The following UBE3A variants were observed in gnomAD, a reference collection of about 807,000 sequenced individuals.
The protein encoded by UBE3A is ubiquitin protein ligase E3A.
In UBE3A, 6 loss-of-function variants were observed where a neutral mutation model predicts 83.4. The observed-to-expected ratio is 0.07, with a 90% CI of 0.04 to 0.14. The LOEUF (loss-of-function observed/expected upper bound fraction) is 0.14. Among genes scored for constraint, UBE3A ranks in the 10% least tolerant of loss-of-function variants. The pLI is 1.00. For synonymous variants in UBE3A, 337 were observed against 355.4 expected, an observed-to-expected ratio of 0.95 and a Z score of 0.58; for missense variants, 456 against 1,036.1, an observed-to-expected ratio of 0.44 and a Z score of 7.69.
chr15:25,343,245 A>T (rs1890526775), intron 11 of UBE3A, among the ~76,000 whole-genome samples: 1 of 152,242 alleles, frequency 6.6e-6, no homozygotes, highest in Non-Finnish European at 1.5e-5. Context: ...TTATGGGAAG[A>T]GTCTGGCGAA....
At chr15:25,403,969 T>C (rs2087815454) in intron 4 of UBE3A, among the ~76,000 whole-genome samples, 1 of 152,198 alleles carries the variant, frequency 6.6e-6, no homozygotes, top group Non-Finnish European at 1.5e-5. Flanking sequence ...AATTATTGTT[T>C]AATGGGTACA....
At position 25,370,755 on chromosome 15, in the gene UBE3A, A is replaced by C. The variant is rs1243878407; in HGVS notation, c.1419T>G (p.Ser473=). The C allele has an allele frequency of 4.3e-6, 7 of 1,614,036 alleles. No individual in the cohort carries two copies. In the South Asian group the frequency reaches 7.7e-5, roughly 18 times the overall value. ...FFKVETENKF[S]FMTCPFILNA... ...TCAATATAAAGGGACATGTCATAAAAGAGAATTTGTTCTCTGTTTCTACTT... is the reference window on the plus strand; with the variant it reads ...TCAATATAAAGGGACATGTCATAAACGAGAATTTGTTCTCTGTTTCTACTT... The change falls in exon 6 of 13, where the codon TCT becomes TCG. Residue 473 remains serine (S), a synonymous_variant. Transcript: ENST00000648336. The surrounding 1 kb of genome is among the most constrained non-coding windows in gnomAD (Gnocchi z 4.2).
Position 25,334,909 on chromosome 15 carries a change from G to A in UBE3A, c.*4228C>T, listed in dbSNP as rs1433771949. On this transcript the variant is annotated 3_prime_UTR_variant, in exon 13 of 13. Transcript: ENST00000648336. ...CTTCACTACATTCTACTGCATGCTCGGTCATTTTCAATCATTTAGGTGGCA... is the reference window on the plus strand; with the variant it reads ...CTTCACTACATTCTACTGCATGCTCAGTCATTTTCAATCATTTAGGTGGCA... 6.6e-6 allele frequency: 1 copy of A among 151,964 alleles called. No homozygotes were observed. The highest frequency in any genetic ancestry group is 1.5e-5 in the Non-Finnish European group (1 of 68,006). 9.4% of individuals were successfully genotyped at this position (151,964 alleles called of 1,614,324 possible). A position where few individuals can be genotyped will look rare whatever the true frequency, so the allele number is the denominator to read the frequency against.
At chr15:25,399,548 G>C (rs75166723) in intron 4 of UBE3A, among the ~76,000 whole-genome samples, 246 of 152,014 alleles carry the variant, frequency 1.6e-3, no homozygotes, top group African/African-American at 5.7e-3. Context: ...TCTGTTTTGT[G>C]GGTCGATGTG....
chr15:25,412,170 T>C (rs2090125233), intron 1 of UBE3A, among the ~76,000 whole-genome samples, 199 bp from the exon 2 acceptor site: 1 of 152,226 alleles, frequency 6.6e-6, no homozygotes, highest in African/African-American at 2.4e-5. Context: ...GCCTGAGTGC[T>C]TTCAGCAGGC....
chr15:25,354,500 G>A (rs770757909), intron 10 of UBE3A, 28 bp downstream of exon 10: 1 of 1,613,816 alleles, frequency 6.2e-7, no homozygotes, highest in South Asian at 1.1e-5. Flanking sequence ...ATCGATACAT[G>A]ACTTTTTGCA....
chr15:25,346,920 C>G (rs1285695502), intron 11 of UBE3A: 1 of 152,086 alleles, frequency 6.6e-6, no homozygotes, highest in African/African-American at 2.4e-5. Flanking sequence ...GAAAGAACAC[C>G]TGAAGAAATA....
intron 4 of UBE3A, among the ~76,000 whole-genome samples, chr15:25,376,623 C>G (rs965155592): frequency 6.6e-6 from 1 of 152,128 alleles, no homozygotes; most frequent in Non-Finnish European, 1.5e-5. Context: ...GCCTGGGCAA[C>G]AGAGCTAGAC....
At chr15:25,416,563 T>C (rs1369890344) in intron 1 of UBE3A, among the ~76,000 whole-genome samples, 1 of 151,418 alleles carries the variant, frequency 6.6e-6, no homozygotes, top group Admixed American at 6.6e-5. Flanking sequence ...TTTTTTGATC[T>C]GAATGCTAGC....
chr15:25,368,921 T>C lies in UBE3A; in HGVS notation c.1608+1645A>G, dbSNP rs768969232. On this transcript the variant is annotated intron_variant, in intron 6 of 12. Transcript: ENST00000648336. ...ATTTTTTGAACCCTGGAATGATTCTTACAGTGTAATTTCATTGCCTTTTAA... is the reference window on the plus strand; with the variant it reads ...ATTTTTTGAACCCTGGAATGATTCTCACAGTGTAATTTCATTGCCTTTTAA... Among the ~76,000 whole-genome samples the C allele has an allele frequency of 2.6e-5, 4 of 152,132 alleles. No homozygotes were observed. In the South Asian group the frequency reaches 8.3e-4, roughly 31 times the overall value.
chr15:25,378,637 T>C (rs557080203), intron 4 of UBE3A, among the ~76,000 whole-genome samples: 1 of 152,222 alleles, frequency 6.6e-6, no homozygotes, highest in East Asian at 1.9e-4. Flanking sequence ...AAGACAAGAA[T>C]AGGAGTCCAG....
At chr15:25,367,175 ATTTGTAAATATGTAAATATTTACATAT>A (rs1480971519) in intron 6 of UBE3A, among the ~76,000 whole-genome samples, 6 of 100,810 alleles carry the variant, frequency 6.0e-5, no homozygotes, top group Admixed American at 5.1e-4. Flanking sequence ...ATATTTACAT[ATTTGTAAATATGTAAATATTTACATAT>A]TTGTAAATAT....
At chr15:25,434,997 C>G (rs189782611) in intron 1 of UBE3A, among the ~76,000 whole-genome samples, 12,734 of 150,076 alleles carry the variant, frequency 0.085, 673 homozygotes, top group African/African-American at 0.12. Flanking sequence ...CACACACACA[C>G]ACACACACAC....
intron 1 of UBE3A, among the ~76,000 whole-genome samples, chr15:25,433,807 A>T (rs1894197032): frequency 6.6e-6 from 1 of 152,152 alleles, no homozygotes; most frequent in African/African-American, 2.4e-5. Flanking sequence ...TGGGCATGGT[A>T]GCTCACACCT....
At chr15:25,356,545 T>G in intron 8 of UBE3A, 146 bp downstream of exon 8, 1 of 800,042 alleles carries the variant, frequency 1.2e-6, no homozygotes, top group Non-Finnish European at 2.0e-6. Flanking sequence ...TTTCTGGTAC[T>G]TCGGTCAGAT....
Position 25,371,442 on chromosome 15 carries a change from G to A in UBE3A, c.732C>T (p.Leu244=), listed in dbSNP as rs1060504406. The A allele has an allele frequency of 2.5e-6, 4 of 1,614,046 alleles. No homozygotes were observed. Among genetic ancestry groups the A allele is most frequent in the Admixed American group, 1.7e-5 (1 of 60,022 alleles). The change falls in exon 6 of 13, where the codon CTC becomes CTT. Residue 244 remains leucine, a synonymous_variant. Coordinates refer to ENST00000648336, the MANE Select transcript of UBE3A (RefSeq NM_130839.5). This position sits in a 1 kb window ranked among gnomAD's most constrained non-coding sequence, Gnocchi z 5.3. The part of the protein sequence containing the change: ...DAIRRVYTRL[L]SNEKIETAFL... The stretch of plus-strand genomic sequence containing the variant: ...AGGCAGTTTCAATTTTTTCATTAGA[G>A]AGCAATCTGGTGTAGACCCTTCTAA...
At chr15:25,433,236 G>A (rs12899575) in intron 1 of UBE3A, among the ~76,000 whole-genome samples, 17,789 of 149,512 alleles carry the variant, frequency 0.12, 1,117 homozygotes, top group Middle Eastern at 0.23. Context: ...TCTGTCGCCA[G>A]GCAGTAGCAT....
At chr15:25,438,251 G>T (rs1165609836) in intron 1 of UBE3A, 1 of 152,366 alleles carries the variant, frequency 6.6e-6, no homozygotes, top group Non-Finnish European at 1.5e-5. Context: ...CGTCCCCTCG[G>T]GCGACAAAAC....
chr15:25,426,078 A>G (rs1293635254), intron 1 of UBE3A, among the ~76,000 whole-genome samples: 2 of 152,104 alleles, frequency 1.3e-5, no homozygotes, highest in Admixed American at 1.3e-4. Flanking sequence ...CCTACTAACT[A>G]CAGAAGGTAG....
Sources: gnomAD v4.1 joint callset for allele counts (sites outside exome capture counted in the v4.1 genomes callset) on GRCh38, gnomAD v4.1.1 for gene constraint, Gnocchi (gnomAD v3.1) non-coding constraint, MANE v1.5 for transcripts, NCBI Gene and HGNC (gene_info 2026-07-23, HGNC 2026-07-21) for gene names.